The following CCDC171 variants were observed in gnomAD, a reference collection of about 807,000 sequenced individuals.
CCDC171 encodes the protein coiled-coil domain containing 171.
Under a neutral mutation model 168.2 loss-of-function variants are expected in CCDC171, and 177 were observed. The ratio of observed to expected loss-of-function variants is 1.05; its 90% CI spans 0.93 to 1.19. The LOEUF is 1.19. CCDC171 is among the 50% of genes most tolerant of loss of function. CCDC171 has a pLI of 0.00. For missense variants in CCDC171, 1,991 were observed against 1,539.0 expected, an observed-to-expected ratio of 1.29 and a Z score of -4.91; for synonymous variants, 687 against 540.8, an observed-to-expected ratio of 1.27 and a Z score of -3.75.
chr9:15,998,132 A>G (rs1832427859), intron 3 of CCDC171, among the ~76,000 whole-genome samples: 3 of 152,128 alleles, frequency 2.0e-5, no homozygotes, highest in Admixed American at 2.0e-4. Context: ...CCCCAGAGAG[A>G]TCAGAATGAT....
chr9:16,032,096 A>G (rs1415388001), intron 6 of CCDC171, among the ~76,000 whole-genome samples: 1 of 152,168 alleles, frequency 6.6e-6, no homozygotes, highest in Non-Finnish European at 1.5e-5. Context: ...ACATGCATGG[A>G]TGGGCTTTCA....
At chr9:15,629,075 T>C (rs1183636192) in intron 7 of CCDC171, among the ~76,000 whole-genome samples, 1 of 151,706 alleles carries the variant, frequency 6.6e-6, no homozygotes, top group Non-Finnish European at 1.5e-5. Flanking sequence ...ACCACAAAGA[T>C]GGGGAAAAAA....
intron 6 of CCDC171, among the ~76,000 whole-genome samples, chr9:15,597,869 C>A (rs936023761): frequency 6.6e-6 from 1 of 152,090 alleles, no homozygotes; most frequent in Non-Finnish European, 1.5e-5. Context: ...CTGGTTTAGT[C>A]TTGGGAGGGT....
At chr9:15,716,404 A>C (rs1250616289) in intron 11 of CCDC171, among the ~76,000 whole-genome samples, 2 of 152,168 alleles carry the variant, frequency 1.3e-5, no homozygotes, top group African/African-American at 2.4e-5. Context: ...AGTGATTAAA[A>C]GATTATTAGG....
rs752175302 is a variant in CCDC171 at position 15,729,785 on chromosome 9, A to C, written c.2036A>C (p.Gln679Pro). Residue 679 changes from glutamine to proline, a missense_variant, in exon 16 of 26, where the codon CAG becomes CCG. By Grantham distance (76) the Gln-to-Pro change is moderately conservative (BLOSUM62 -1). Transcript: ENST00000380701. Reference sequence around the variant, plus strand: ...TATTCTGAACTCTTCCTGGAGGTGCAGAAGAGGGCACAGGTATGCTACCTT... The same window carrying C: ...TATTCTGAACTCTTCCTGGAGGTGCCGAAGAGGGCACAGGTATGCTACCTT... ...LQYSELFLEV[Q>P]KRAQKFQEIA... 6.2e-7 allele frequency: 1 copy of C among 1,609,722 alleles called. No individual in the cohort carries two copies. The highest frequency in any genetic ancestry group is 8.5e-7 in the Non-Finnish European group (1 of 1,176,922).
intron 6 of CCDC171, among the ~76,000 whole-genome samples, chr9:16,025,586 T>C (rs1365450637): frequency 6.6e-6 from 1 of 152,128 alleles, no homozygotes; most frequent in African/African-American, 2.4e-5. Context: ...ACTTTAGCCA[T>C]ACAGTGGAAT....
At chr9:15,988,350 A>G (rs1832064937) in intron 3 of CCDC171, among the ~76,000 whole-genome samples, 1 of 152,196 alleles carries the variant, frequency 6.6e-6, no homozygotes, top group Non-Finnish European at 1.5e-5. Flanking sequence ...ACTAGCCATT[A>G]TGCTGCACGA....
chr9:15,555,348 A>G (rs1231100248), intron 1 of CCDC171, among the ~76,000 whole-genome samples: 1 of 152,218 alleles, frequency 6.6e-6, no homozygotes, highest in East Asian at 1.9e-4. Flanking sequence ...TATTACTGCT[A>G]CAGGATGGCC....
chr9:15,625,651 G>C (rs191519356), intron 7 of CCDC171, among the ~76,000 whole-genome samples: 109 of 152,066 alleles, frequency 7.2e-4, no homozygotes, highest in African/African-American at 2.5e-3. Flanking sequence ...ATTTCTGAGG[G>C]CTCTGTTCTG....
intron 7 of CCDC171, among the ~76,000 whole-genome samples, chr9:15,630,821 C>G (rs2045616741): frequency 6.6e-6 from 1 of 152,228 alleles, no homozygotes; most frequent in South Asian, 2.1e-4. Flanking sequence ...AACAAACTGT[C>G]TCTCAGACCA....
chr9:15,830,082 G>T (rs1386925053), intron 21 of CCDC171, among the ~76,000 whole-genome samples: 2 of 152,212 alleles, frequency 1.3e-5, no homozygotes, highest in Non-Finnish European at 2.9e-5. Context: ...TGTTCCTCAA[G>T]CAGTGACAAC....
At chr9:15,910,533 T>A (rs1273547112) in intron 24 of CCDC171, among the ~76,000 whole-genome samples, 1 of 152,146 alleles carries the variant, frequency 6.6e-6, no homozygotes, top group Non-Finnish European at 1.5e-5. Flanking sequence ...TGCTTAGGAT[T>A]GCTTTGGCTA....
intron 18 of CCDC171, among the ~76,000 whole-genome samples, chr9:15,775,210 G>A (rs10962152): frequency 0.45 from 68,162 of 151,964 alleles, 15,599 homozygotes; most frequent in Non-Finnish European, 0.49. Context: ...ATTGAGAGTC[G>A]GCAGTTAGGA....
intron 24 of CCDC171, among the ~76,000 whole-genome samples, chr9:15,877,881 A>T (rs1818068527): frequency 1.3e-5 from 2 of 152,218 alleles, no homozygotes; most frequent in African/African-American, 4.8e-5. Context: ...GTAGGCATCC[A>T]GTAAATATTT....
At chr9:15,630,168 C>T (rs937785236) in intron 7 of CCDC171, among the ~76,000 whole-genome samples, 4 of 152,164 alleles carry the variant, frequency 2.6e-5, no homozygotes, top group African/African-American at 9.7e-5. Flanking sequence ...ATCAAATTCA[C>T]ACATAACAAT....
chr9:16,002,331 T>TA (rs1233478870), intron 3 of CCDC171, among the ~76,000 whole-genome samples: 2 of 152,084 alleles, frequency 1.3e-5, no homozygotes, highest in Non-Finnish European at 2.9e-5. Context: ...AAGACAGTGA[T>TA]ACTGATGATC....
In CCDC171 at chr9:15,662,284, C is replaced by T. The variant is rs151206702; in HGVS notation, c.916-3879C>T. ...AGAGTGAGACTCTGTCCCCATCCCC[C>T]CTCCCCCCCAAAAAAGAATAAACAT... is the stretch of plus-strand genomic sequence containing the variant. On this transcript the variant is annotated intron_variant, in intron 8 of 25. Coordinates refer to ENST00000380701, the MANE Select transcript of CCDC171 (RefSeq NM_173550.4). Among the ~76,000 whole-genome samples, 436 of 151,922 alleles carry T rather than the reference C, an allele frequency of 2.9e-3. 5 individuals carry two copies. Among genetic ancestry groups the T allele is most frequent in the African/African-American group, 0.01 (419 of 41,426 alleles).
chr9:15,642,343 G>GTGTGTATATATATA (rs1369419679), intron 7 of CCDC171, among the ~76,000 whole-genome samples: 1 of 107,560 alleles, frequency 9.3e-6, no homozygotes, highest in African/African-American at 5.0e-5. Context: ...GTGTGTGTGT[G>GTGTGTATATATATA]TATATATATA....
At chr9:15,856,456 T>G (rs1054414472) in intron 23 of CCDC171, among the ~76,000 whole-genome samples, 4 of 152,042 alleles carry the variant, frequency 2.6e-5, no homozygotes, top group Non-Finnish European at 5.9e-5. Flanking sequence ...AATGGTTTAT[T>G]TCACTTAGTA....
Sources: gnomAD v4.1 joint callset for allele counts (sites outside exome capture counted in the v4.1 genomes callset) on GRCh38, gnomAD v4.1.1 for gene constraint, MANE v1.5 for transcripts, NCBI Gene and HGNC (gene_info 2026-07-23, HGNC 2026-07-21) for gene names.